The following ALK variants were observed in gnomAD, a reference collection of about 807,000 sequenced individuals.
ALK encodes ALK receptor tyrosine kinase.
In ALK, 74 loss-of-function variants were observed where a neutral mutation model predicts 163.1. The observed-to-expected ratio is 0.45, with a 90% CI of 0.38 to 0.55. The LOEUF (loss-of-function observed/expected upper bound fraction) is 0.55. Ranked by LOEUF, ALK falls within the 20% of genes least tolerant of loss-of-function variation. ALK has a pLI of 0.00. For synonymous variants in ALK, 960 were observed against 843.2 expected, an observed-to-expected ratio of 1.14 and a Z score of -2.40; for missense variants, 2,063 against 2,105.3, an observed-to-expected ratio of 0.98 and a Z score of 0.39.
At chr2:29,204,675 C>T (rs1442785096) in intron 26 of ALK, among the ~76,000 whole-genome samples, 1 of 152,112 alleles carries the variant, frequency 6.6e-6, no homozygotes, top group Admixed American at 6.5e-5. Flanking sequence ...CTACAACCTC[C>T]ACCTCCCAGG....
At chr2:29,319,528 G>A (rs1359514286) in intron 7 of ALK, among the ~76,000 whole-genome samples, 1 of 152,136 alleles carries the variant, frequency 6.6e-6, no homozygotes, top group East Asian at 1.9e-4. Context: ...TGGGAGAGGG[G>A]GTAGTTCAGT....
intron 1 of ALK, among the ~76,000 whole-genome samples, chr2:29,823,301 C>G (rs1211021288): frequency 1.3e-5 from 2 of 152,110 alleles, no homozygotes; most frequent in African/African-American, 4.8e-5. Flanking sequence ...ATATCATTAT[C>G]AGCAGCATGA....
At chr2:29,919,493 C>A (rs566138968) in intron 1 of ALK, among the ~76,000 whole-genome samples, 1 of 152,190 alleles carries the variant, frequency 6.6e-6, no homozygotes, top group South Asian at 2.1e-4. Context: ...CCTGCCCAAG[C>A]CAACGTTTGG....
At chr2:29,242,517 T>C (rs13391617) in intron 12 of ALK, among the ~76,000 whole-genome samples, 10,183 of 152,242 alleles carry the variant, frequency 0.067, 396 homozygotes, top group Non-Finnish European at 0.083. Flanking sequence ...GCTATTTTTC[T>C]CACCCCGCTC....
At position 29,899,439 on chromosome 2, in the gene ALK, A is replaced by G. The variant is rs74447646; in HGVS notation, c.667+20554T>C. Among the ~76,000 whole-genome samples the G allele has an allele frequency of 8.4e-3, 1,279 of 152,306 alleles. 14 individuals are homozygous for G. Among genetic ancestry groups the G allele is most frequent in the African/African-American group, 0.028 (1,144 of 41,556 alleles). ...ACTCACCCTGAGGAAGGCAGAGTAGAAAGACAGAGAGCCTGGGCTCTTGAG... is the reference window on the plus strand; with the variant it reads ...ACTCACCCTGAGGAAGGCAGAGTAGGAAGACAGAGAGCCTGGGCTCTTGAG... On this transcript the variant is annotated intron_variant, in intron 1 of 28. Transcript: ENST00000389048.
At chr2:29,612,536 C>T (rs563319443) in intron 3 of ALK, among the ~76,000 whole-genome samples, 3 of 152,156 alleles carry the variant, frequency 2.0e-5, no homozygotes, top group Non-Finnish European at 2.9e-5. Flanking sequence ...AAGGAGGAAC[C>T]GTCCTACCCA....
At chr2:29,625,600 CT>C (rs1381714630) in intron 3 of ALK, among the ~76,000 whole-genome samples, 4 of 152,172 alleles carry the variant, frequency 2.6e-5, no homozygotes, top group Admixed American at 2.6e-4. Context: ...CGGGAGAAAT[CT>C]GTTGTTAGGC....
chr2:29,522,031 T>C (rs1471302744), intron 4 of ALK, among the ~76,000 whole-genome samples: 1 of 152,142 alleles, frequency 6.6e-6, no homozygotes, highest in Non-Finnish European at 1.5e-5. Context: ...ATGCACACCA[T>C]AGAAAAATGC....
intron 4 of ALK, among the ~76,000 whole-genome samples, chr2:29,485,986 G>T (rs1573393843): frequency 6.6e-6 from 1 of 152,230 alleles, no homozygotes; most frequent in African/African-American, 2.4e-5. Context: ...ATCACACAGA[G>T]GCCAAATTCC....
At chr2:29,524,786 T>G (rs1672911718) in intron 4 of ALK, among the ~76,000 whole-genome samples, 1 of 151,504 alleles carries the variant, frequency 6.6e-6, no homozygotes, top group African/African-American at 2.4e-5. Context: ...ATAGATGGAT[T>G]AATGGATGAA....
At chr2:29,708,833 G>C (rs2631971) in intron 2 of ALK, among the ~76,000 whole-genome samples, 6 of 151,808 alleles carry the variant, frequency 4.0e-5, no homozygotes, top group East Asian at 1.9e-4. Context: ...GTGGCTATTT[G>C]ATCAGACCAC....
intron 1 of ALK, among the ~76,000 whole-genome samples, chr2:29,787,101 G>A (rs1295752817): frequency 6.6e-6 from 1 of 152,140 alleles, no homozygotes; most frequent in East Asian, 1.9e-4. Flanking sequence ...GGCCTTCCCT[G>A]GGAGTTTTTT....
chr2:29,754,005 C>T (rs924430027), intron 1 of ALK, among the ~76,000 whole-genome samples: 3 of 152,018 alleles, frequency 2.0e-5, no homozygotes, highest in East Asian at 1.9e-4. Flanking sequence ...TCCCACCGAC[C>T]GCGCACTATA....
intron 1 of ALK, among the ~76,000 whole-genome samples, chr2:29,787,134 A>T (rs1407370541): frequency 3.9e-5 from 6 of 152,198 alleles, no homozygotes; most frequent in Non-Finnish European, 1.5e-5. Context: ...AAGCCCCCTC[A>T]ACAGAAAGAA....
intron 1 of ALK, among the ~76,000 whole-genome samples, chr2:29,825,714 T>TGTG (rs35182663): frequency 6.8e-6 from 1 of 148,086 alleles, no homozygotes; most frequent in Non-Finnish European, 1.5e-5. Flanking sequence ...ATTTTGTGTG[T>TGTG]TTTTTTTTTT....
intron 12 of ALK, among the ~76,000 whole-genome samples, chr2:29,247,836 G>A (rs940115379): frequency 2.6e-5 from 4 of 152,126 alleles, no homozygotes; most frequent in Non-Finnish European, 5.9e-5. Flanking sequence ...GGTTCGTTAG[G>A]GCTCGGCTCC....
At chr2:29,526,757 C>T (rs1672969305) in intron 4 of ALK, among the ~76,000 whole-genome samples, 2 of 152,248 alleles carry the variant, frequency 1.3e-5, no homozygotes, top group Admixed American at 6.5e-5. Flanking sequence ...ATTTCCTCAG[C>T]TGTCAAGACT....
At chr2:29,376,610 G>C (rs1392875661) in intron 5 of ALK, among the ~76,000 whole-genome samples, 1 of 152,250 alleles carries the variant, frequency 6.6e-6, no homozygotes, top group African/African-American at 2.4e-5. Context: ...GCTACATACA[G>C]AGTTTGCTGC....
intron 1 of ALK, among the ~76,000 whole-genome samples, chr2:29,775,344 A>G (rs1681142595): frequency 6.6e-6 from 1 of 152,208 alleles, no homozygotes; most frequent in African/African-American, 2.4e-5. Context: ...TTCTGCTAAC[A>G]AAACACCTGA....
Sources: allele counts gnomAD v4.1 joint callset (sites outside exome capture counted in the v4.1 genomes callset), GRCh38; gene constraint gnomAD v4.1.1; transcripts MANE v1.5; gene names NCBI Gene and HGNC (gene_info 2026-07-23, HGNC 2026-07-21).